The following FAM193A variants were observed in gnomAD, a reference collection of about 807,000 sequenced individuals.
FAM193A encodes the protein family with sequence similarity 193 member A.
A neutral mutation model predicts 126.5 loss-of-function variants in FAM193A; 22 were observed. The observed-to-expected ratio is 0.17, with a 90% CI of 0.12 to 0.25. FAM193A has a LOEUF of 0.25. Ranked by LOEUF, FAM193A falls within the 10% of genes least tolerant of loss-of-function variation. The probability of loss-of-function intolerance (pLI) is 1.00; values close to 1 mark genes in which losing one functional copy is unlikely to be tolerated. For synonymous variants in FAM193A, 761 were observed against 646.8 expected, an observed-to-expected ratio of 1.18 and a Z score of -2.68; for missense variants, 1,675 against 1,672.8, an observed-to-expected ratio of 1.00 and a Z score of -0.02.
intron 1 of FAM193A, among the ~76,000 whole-genome samples, chr4:2,537,374 C>T (rs756216818): frequency 1.3e-5 from 2 of 152,206 alleles, no homozygotes; most frequent in African/African-American, 2.4e-5. Flanking sequence ...GACGCGGCCT[C>T]TGTCAGCCTC....
intron 7 of FAM193A, among the ~76,000 whole-genome samples, chr4:2,655,542 A>T (rs1711572293): frequency 6.6e-6 from 1 of 152,076 alleles, no homozygotes; most frequent in Non-Finnish European, 1.5e-5. Context: ...CAATGACAAG[A>T]TATTAGTTCT....
intron 1 of FAM193A, among the ~76,000 whole-genome samples, chr4:2,543,107 A>T (rs372207682): frequency 1.5e-5 from 2 of 129,756 alleles, no homozygotes; most frequent in African/African-American, 5.3e-5. Flanking sequence ...TTTTTTTTTT[A>T]AATGGAGTCT....
intron 12 of FAM193A, among the ~76,000 whole-genome samples, chr4:2,669,833 A>C (rs1713588774): frequency 6.6e-6 from 1 of 152,140 alleles, no homozygotes; most frequent in East Asian, 1.9e-4. Context: ...TTTCTCAAGA[A>C]GGTGTTTTAG....
In FAM193A at chr4:2,718,352, A is replaced by G. The variant is rs1419524992; in HGVS notation, c.4454+2248A>G. Among the ~76,000 whole-genome samples, 7 of 152,212 alleles carry G rather than the reference A, an allele frequency of 4.6e-5. No individual in the cohort carries two copies. The East Asian group carries it at 7.7e-4, about 17-fold the overall frequency. Reference sequence around the variant, plus strand: ...AAGAAGAATTAAGATGTTGATAACTATCAAAGTCAGGTGATGGCTATGTTC... The same window carrying G: ...AAGAAGAATTAAGATGTTGATAACTGTCAAAGTCAGGTGATGGCTATGTTC... On this transcript the variant is annotated intron_variant, in intron 20 of 20. Coordinates refer to ENST00000637812, the MANE Select transcript of FAM193A (RefSeq NM_001366318.2).
intron 20 of FAM193A, among the ~76,000 whole-genome samples, chr4:2,726,886 G>C (rs148413823): frequency 6.8e-6 from 1 of 146,116 alleles, no homozygotes; most frequent in African/African-American, 2.5e-5. Context: ...GGAAGAGGAG[G>C]TTGTAGTGAG....
intron 19 of FAM193A, among the ~76,000 whole-genome samples, chr4:2,714,033 A>T (rs962549849): frequency 6.6e-6 from 1 of 152,212 alleles, no homozygotes; most frequent in South Asian, 2.1e-4. Context: ...AAAAGAGAGT[A>T]TTAGAAATCT....
chr4:2,659,839 A>G lies in FAM193A; in HGVS notation c.1530A>G (p.Ser510=). The stretch of plus-strand genomic sequence containing the variant: ...GTGCTTGCGATGACTGCAGTCTCTC[A>G]CACATCCTCACGTGTGGTATCATGG... ...RRCACDDCSL[S]HILTCGIMDP... Residue 510 remains serine (S), a synonymous_variant, in exon 10 of 21, where the codon TCA becomes TCG. Coordinates refer to ENST00000637812, the MANE Select transcript of FAM193A (RefSeq NM_001366318.2). 1 of 1,614,146 alleles carries G rather than the reference A, an allele frequency of 6.2e-7. No individual in the cohort carries two copies. The highest frequency in any genetic ancestry group is 2.2e-5 in the East Asian group (1 of 44,880).
intron 4 of FAM193A, among the ~76,000 whole-genome samples, chr4:2,630,037 CAGG>C (rs762125663): frequency 1.3e-5 from 2 of 150,778 alleles, no homozygotes; most frequent in Non-Finnish European, 2.9e-5. Flanking sequence ...GAGGCTGAGG[CAGG>C]AGAACTGTGT....
chr4:2,640,534 C>T (rs1744511497), intron 6 of FAM193A, among the ~76,000 whole-genome samples: 1 of 152,218 alleles, frequency 6.6e-6, no homozygotes, highest in Admixed American at 6.5e-5. Context: ...CTGTTCCCTG[C>T]ACTGAGTCAT....
intron 1 of FAM193A, among the ~76,000 whole-genome samples, chr4:2,572,307 C>T (rs1031460053): frequency 8.3e-5 from 12 of 145,178 alleles, no homozygotes; most frequent in Admixed American, 3.5e-4. Context: ...GCAGCCTAGG[C>T]GACAGAGTGA....
chr4:2,621,585 G>T (rs748430977), intron 2 of FAM193A, among the ~76,000 whole-genome samples: 1 of 152,206 alleles, frequency 6.6e-6, no homozygotes. Context: ...ATCTCACTCT[G>T]CTGCTGCTTG....
chr4:2,703,801 T>TAAAA (rs34569439), intron 19 of FAM193A, among the ~76,000 whole-genome samples: 15 of 129,102 alleles, frequency 1.2e-4, no homozygotes, highest in African/African-American at 3.6e-4. Flanking sequence ...CCATCTCTAC[T>TAAAA]AAAAAAAAAA....
At chr4:2,542,868 A>G (rs1030463958) in intron 1 of FAM193A, among the ~76,000 whole-genome samples, 4 of 152,168 alleles carry the variant, frequency 2.6e-5, no homozygotes, top group Non-Finnish European at 5.9e-5. Flanking sequence ...TGTTATACCC[A>G]GGACCACCTT....
intron 1 of FAM193A, among the ~76,000 whole-genome samples, chr4:2,594,174 C>T (rs138921243): frequency 2.3e-3 from 348 of 152,292 alleles, no homozygotes; most frequent in Non-Finnish European, 3.0e-3. Context: ...GTCATTCATT[C>T]TTTCAATCAC....
At chr4:2,720,000 G>A in intron 20 of FAM193A, 2 of 238,622 alleles carry the variant, frequency 8.4e-6, no homozygotes, top group South Asian at 3.7e-5. Flanking sequence ...TCGCCACATT[G>A]CCCAGGCTGG....
At chr4:2,709,869 G>A (rs1718718793) in intron 19 of FAM193A, among the ~76,000 whole-genome samples, 1 of 152,190 alleles carries the variant, frequency 6.6e-6, no homozygotes, top group African/African-American at 2.4e-5. Context: ...CTTGCTAGCA[G>A]TCTTCTCTCC....
intron 1 of FAM193A, among the ~76,000 whole-genome samples, chr4:2,539,901 C>A (rs1315771109): frequency 6.6e-6 from 1 of 151,048 alleles, no homozygotes; most frequent in African/African-American, 2.4e-5. Context: ...GAGTTCGAAA[C>A]CAGCCTGGTT....
chr4:2,543,719 A>G (rs756221172), intron 1 of FAM193A, among the ~76,000 whole-genome samples: 55 of 151,936 alleles, frequency 3.6e-4, no homozygotes, highest in South Asian at 8.3e-4. Flanking sequence ...TTAGCCAGGC[A>G]TGGTGACGAG....
intron 2 of FAM193A, among the ~76,000 whole-genome samples, chr4:2,610,592 T>G (rs1470068749): frequency 6.6e-6 from 1 of 152,244 alleles, no homozygotes; most frequent in Non-Finnish European, 1.5e-5. Context: ...TGTTGTTGCA[T>G]GTAGCAATAG....
Sources: allele counts gnomAD v4.1 joint callset (sites outside exome capture counted in the v4.1 genomes callset), GRCh38; gene constraint gnomAD v4.1.1; transcripts MANE v1.5; gene names NCBI Gene and HGNC (gene_info 2026-07-23, HGNC 2026-07-21).